The following CCDC146 variants were observed in gnomAD, a reference collection of about 807,000 sequenced individuals.
The protein encoded by CCDC146 is coiled-coil domain-containing protein 146.
CCDC146 carries 92 observed loss-of-function variants against 119.3 expected under a neutral mutation model. That is an observed-to-expected ratio of 0.77 (90% CI 0.65 to 0.92). CCDC146 has a LOEUF of 0.92. Ranked by LOEUF, CCDC146 falls within the 40% of genes least tolerant of loss-of-function variation. The pLI, the probability that CCDC146 is intolerant of heterozygous loss-of-function variation, is 0.00. For synonymous variants in CCDC146, 372 were observed against 371.8 expected (o/e 1.00, Z -0.01); for missense variants, 1,000 against 1,103.0 (o/e 0.91, Z 1.32).
intron 1 of CCDC146, among the ~76,000 whole-genome samples, chr7:77,156,509 A>G (rs1421403769): frequency 1.3e-5 from 2 of 152,014 alleles, no homozygotes; most frequent in African/African-American, 4.8e-5. Flanking sequence ...TAACATTTTT[A>G]CTTTCTTTTT....
intron 10 of CCDC146, among the ~76,000 whole-genome samples, chr7:77,274,033 G>T (rs543336340): frequency 3.4e-4 from 52 of 152,258 alleles, no homozygotes; most frequent in African/African-American, 1.1e-3. Flanking sequence ...ATGGGCTGTT[G>T]ATTACATTAA....
chr7:77,161,367 A>G (rs9801617), intron 1 of CCDC146, among the ~76,000 whole-genome samples: 80,926 of 150,758 alleles, frequency 0.54, 22,058 homozygotes, highest in African/African-American at 0.62. Flanking sequence ...ATTCACAATA[A>G]CAAAGACTTG....
chr7:77,210,727 T>C (rs1015196541), intron 2 of CCDC146, among the ~76,000 whole-genome samples: 3 of 152,184 alleles, frequency 2.0e-5, no homozygotes, highest in African/African-American at 4.8e-5. Context: ...TGGCTCATAG[T>C]TCCACAGGCT....
intron 2 of CCDC146, chr7:77,195,517 A>G (rs1173197571): frequency 6.6e-6 from 1 of 152,196 alleles, no homozygotes; most frequent in Non-Finnish European, 1.5e-5. Flanking sequence ...GTTGCAAAGT[A>G]AATGATATAG....
intron 9 of CCDC146, among the ~76,000 whole-genome samples, chr7:77,267,259 C>CT (rs1489630682): frequency 6.6e-6 from 1 of 152,138 alleles, no homozygotes; most frequent in Non-Finnish European, 1.5e-5. Flanking sequence ...TCCCAAAGTG[C>CT]TGGGATTACA....
intron 17 of CCDC146, among the ~76,000 whole-genome samples, chr7:77,289,124 G>T (rs755600428): frequency 3.9e-5 from 6 of 152,228 alleles, no homozygotes; most frequent in African/African-American, 1.4e-4. Flanking sequence ...CGAAGGCTCA[G>T]TTAAGCTCAT....
At chr7:77,154,908 G>A (rs1260135122) in intron 1 of CCDC146, among the ~76,000 whole-genome samples, 1 of 151,790 alleles carries the variant, frequency 6.6e-6, no homozygotes, top group Non-Finnish European at 1.5e-5. Context: ...CTTTTCTAAC[G>A]TGCACATTTT....
intron 1 of CCDC146, among the ~76,000 whole-genome samples, chr7:77,132,553 C>CAA (rs58502705): frequency 0.061 from 6,582 of 107,090 alleles, 682 homozygotes; most frequent in African/African-American, 0.22. Context: ...TCGATCTCTA[C>CAA]AAAAAAAAAA....
At chr7:77,208,322 TATC>T (rs1244279788) in intron 2 of CCDC146, among the ~76,000 whole-genome samples, 1 of 152,232 alleles carries the variant, frequency 6.6e-6, no homozygotes, top group Non-Finnish European at 1.5e-5. Context: ...GTTGTGCTAA[TATC>T]ATAGAGTACA....
chr7:77,186,726 C>A (rs1020621415), intron 2 of CCDC146, among the ~76,000 whole-genome samples: 1 of 152,120 alleles, frequency 6.6e-6, no homozygotes, highest in East Asian at 1.9e-4. Flanking sequence ...GAGCAATGAA[C>A]AATTCACGAA....
At chr7:77,241,980 T>C in intron 4 of CCDC146, 80 bp downstream of exon 4, 2 of 1,091,878 alleles carry the variant, frequency 1.8e-6, no homozygotes, top group East Asian at 2.4e-5. Context: ...TTGGAGGTAA[T>C]TGAAGGAGTA....
At position 77,152,644 on chromosome 7, in the gene CCDC146, G is replaced by T. The variant is rs779795638; in HGVS notation, c.-11-15014G>T. 2.0e-5 allele frequency among the ~76,000 whole-genome samples: 3 copies of T among 152,130 alleles called. No homozygotes were observed. The South Asian group carries it at 6.2e-4, about 32-fold the overall frequency. On this transcript the variant is annotated intron_variant, in intron 1 of 18. Transcript: ENST00000285871. ...CTTATCCCAGATTTAAATGTCTCACGGTGAGAACTGAAGATAAGGTCTTTT... is the reference window on the plus strand; with the variant it reads ...CTTATCCCAGATTTAAATGTCTCACTGTGAGAACTGAAGATAAGGTCTTTT...
intron 1 of CCDC146, among the ~76,000 whole-genome samples, chr7:77,140,499 T>G (rs575643340): frequency 6.6e-5 from 10 of 152,304 alleles, no homozygotes; most frequent in African/African-American, 2.2e-4. Context: ...AACAGTCTCC[T>G]TGTTGTTCCT....
At chr7:77,284,016 C>T (rs1160277077) in intron 15 of CCDC146, among the ~76,000 whole-genome samples, 2 of 152,162 alleles carry the variant, frequency 1.3e-5, no homozygotes, top group Admixed American at 1.3e-4. Context: ...CTTCCTGTGG[C>T]TCTGACTCCT....
Position 77,286,780 on chromosome 7 carries a change from A to C in CCDC146, c.2149-18A>C. The C allele has an allele frequency of 6.2e-7, 1 of 1,610,952 alleles. No individual in the cohort carries two copies. Among genetic ancestry groups the C allele is most frequent in the Non-Finnish European group, 8.5e-7 (1 of 1,178,558 alleles). ...AGCTAGAGCGTTCATTTTAAAGTTA[A>C]TGTTTTTTTCTTAATAGTTTTCACA... On this transcript the variant is annotated intron_variant, in intron 15 of 18. Coordinates refer to ENST00000285871, the MANE Select transcript of CCDC146 (RefSeq NM_020879.3).
intron 1 of CCDC146, among the ~76,000 whole-genome samples, chr7:77,141,936 A>G (rs749206616): frequency 7.2e-5 from 11 of 152,096 alleles, no homozygotes; most frequent in Admixed American, 2.6e-4. Flanking sequence ...TCATTTGTCA[A>G]TTTTGGCTTT....
chr7:77,281,391 T>G (rs1793762201), intron 14 of CCDC146, among the ~76,000 whole-genome samples: 2 of 152,238 alleles, frequency 1.3e-5, no homozygotes, highest in Admixed American at 6.5e-5. Flanking sequence ...GTAGCATTAT[T>G]TCTTCCAGGT....
intron 9 of CCDC146, among the ~76,000 whole-genome samples, chr7:77,273,198 T>G (rs986073359): frequency 2.0e-5 from 3 of 152,182 alleles, no homozygotes; most frequent in Admixed American, 6.5e-5. Flanking sequence ...TCTGTACAAT[T>G]GGAGAAAATA....
chr7:77,252,750 T>TA (rs1181645438), intron 4 of CCDC146, among the ~76,000 whole-genome samples: 3 of 152,184 alleles, frequency 2.0e-5, no homozygotes, highest in Non-Finnish European at 4.4e-5. Context: ...GAACAAATCT[T>TA]AAAATCTCAG....
Sources: gnomAD v4.1 joint callset for allele counts (sites outside exome capture counted in the v4.1 genomes callset) on GRCh38, gnomAD v4.1.1 for gene constraint, MANE v1.5 for transcripts, NCBI Gene and HGNC (gene_info 2026-07-23, HGNC 2026-07-21) for gene names.